Variants in FRMPD4 observed in about 807,000 individuals in gnomAD.
FRMPD4 encodes the protein FERM and PDZ domain-containing protein 4.
FRMPD4 carries 22 observed loss-of-function variants against 94.1 expected under a neutral mutation model. That is an observed-to-expected ratio of 0.23 (90% confidence interval 0.17 to 0.33). The LOEUF is 0.33. Ranked by LOEUF, FRMPD4 falls within the 10% of genes least tolerant of loss-of-function variation. The pLI, the probability that FRMPD4 is intolerant of heterozygous loss-of-function variation, is 1.00. For missense variants in FRMPD4, 1,111 were observed against 1,339.9 expected (o/e 0.83, Z 2.67); for synonymous variants, 631 against 548.6 (o/e 1.15, Z -2.10).
At chrX:11,899,470 C>A in intron 3 of FRMPD4, among the ~76,000 whole-genome samples, 1 of 109,265 alleles carries the variant, frequency 9.2e-6, no homozygotes, top group African/African-American at 3.3e-5. Flanking sequence ...TTATTGTTAC[C>A]CCAGTGACAT....
chrX:12,386,857 G>T (rs189192549), intron 1 of FRMPD4, among the ~76,000 whole-genome samples: 6 of 111,265 alleles, frequency 5.4e-5, no homozygotes, highest in Non-Finnish European at 1.1e-4. Context: ...CTTATGGGGC[G>T]GGGTGGGGGC....
At chrX:12,027,482 C>A (rs1321988280) in intron 3 of FRMPD4, among the ~76,000 whole-genome samples, 1 of 111,962 alleles carries the variant, frequency 8.9e-6, no homozygotes, top group Non-Finnish European at 1.9e-5. Context: ...CAATTTCTTC[C>A]TGTTACATTG....
intron 1 of FRMPD4, among the ~76,000 whole-genome samples, chrX:11,862,399 G>A (rs1293426633): frequency 2.7e-5 from 3 of 111,431 alleles, no homozygotes; most frequent in Non-Finnish European, 5.7e-5. Context: ...AGAAAGTAAA[G>A]TTTACACATG....
rs555310377 is a variant in FRMPD4, at chrX:12,324,099, C to G, written c.42-174581C>G. ...TCTCCAAGGTCTCTCTGATGAAACC[C>G]TATCTTCTTTACTCCATCGCAGACA... On this transcript the variant is annotated intron_variant, in intron 1 of 16. Coordinates refer to ENST00000675598, the MANE Select transcript of FRMPD4 (RefSeq NM_001368397.1). Among the ~76,000 whole-genome samples, 11 of 112,123 alleles carry G rather than the reference C, an allele frequency of 9.8e-5. No homozygotes were observed. The South Asian group carries it at 3.8e-3, about 39-fold the overall frequency.
chrX:12,435,728 G>A (rs2057059295), intron 1 of FRMPD4, among the ~76,000 whole-genome samples: 1 of 111,312 alleles, frequency 9.0e-6, no homozygotes, highest in Admixed American at 9.5e-5. Flanking sequence ...TTACAGGCTG[G>A]ACTTCTTTTG....
chrX:12,696,485 T>G (rs1358812317), intron 9 of FRMPD4, among the ~76,000 whole-genome samples: 1 of 107,887 alleles, frequency 9.3e-6, no homozygotes, highest in South Asian at 4.0e-4. Flanking sequence ...CTTAGACAGC[T>G]TAGACATCTA....
At chrX:12,351,011 T>A (rs909639393) in intron 1 of FRMPD4, among the ~76,000 whole-genome samples, 2 of 110,951 alleles carry the variant, frequency 1.8e-5, no homozygotes, top group Non-Finnish European at 3.8e-5. Flanking sequence ...CCGTCTCTAC[T>A]AAAAATACAA....
At chrX:11,862,803 G>A (rs1038101797) in intron 1 of FRMPD4, among the ~76,000 whole-genome samples, 2 of 110,273 alleles carry the variant, frequency 1.8e-5, no homozygotes, top group African/African-American at 3.3e-5. Context: ...AGCTTTGTCC[G>A]TATTTTTCTT....
intron 2 of FRMPD4, among the ~76,000 whole-genome samples, chrX:12,511,932 G>C (rs1180126792): frequency 8.9e-6 from 1 of 111,957 alleles, no homozygotes; most frequent in Non-Finnish European, 1.9e-5. Context: ...CTTCCATAAG[G>C]TTATCAGTGG....
rs1415054726 is a variant in FRMPD4, at chrX:12,131,706, C to T, written c.95+253688C>T. On this transcript the variant is annotated intron_variant, in intron 3 of 18. Coordinates refer to the FRMPD4 transcript ENST00000640291. ...CCCACAAATCTATATTCAAAAGTTC[C>T]CCTTATGATGCTAGATGAATCCTCA... is the stretch of plus-strand genomic sequence containing the variant. Among the ~76,000 whole-genome samples the T allele has an allele frequency of 3.6e-5, 4 of 111,475 alleles. No individual in the cohort carries two copies. In the South Asian group the frequency reaches 1.5e-3, roughly 41 times the overall value.
chrX:12,557,710 C>G (rs935546301), intron 2 of FRMPD4, among the ~76,000 whole-genome samples: 2 of 111,465 alleles, frequency 1.8e-5, no homozygotes, highest in East Asian at 5.6e-4. Flanking sequence ...CCCCATCTCT[C>G]TAAGCACGTG....
chrX:11,874,573 A>G (rs751084566), intron 2 of FRMPD4, among the ~76,000 whole-genome samples: 42 of 112,448 alleles, frequency 3.7e-4, no homozygotes, highest in Middle Eastern at 9.2e-3. Flanking sequence ...TACATAAGGG[A>G]CTTGGGCATC....
intron 1 of FRMPD4, among the ~76,000 whole-genome samples, chrX:12,174,786 A>G (rs911523316): frequency 1.8e-5 from 2 of 112,096 alleles, no homozygotes; most frequent in Admixed American, 1.9e-4. Flanking sequence ...ACCTTGTTTC[A>G]TGCCTTCCTA....
chrX:12,544,254 GAA>G (rs776246346), intron 2 of FRMPD4, among the ~76,000 whole-genome samples: 1 of 109,627 alleles, frequency 9.1e-6, no homozygotes, highest in African/African-American at 3.3e-5. Context: ...TTTTGAGAGA[GAA>G]AAAAAATTAT....
At chrX:12,472,840 G>A (rs1601987419) in intron 1 of FRMPD4, among the ~76,000 whole-genome samples, 1 of 111,490 alleles carries the variant, frequency 9.0e-6, no homozygotes, top group African/African-American at 3.3e-5. Flanking sequence ...CGTCTGATTG[G>A]TGTACCTGAA....
intron 3 of FRMPD4, among the ~76,000 whole-genome samples, chrX:11,950,555 C>A (rs1022022618): frequency 1.1e-4 from 12 of 111,862 alleles, no homozygotes; most frequent in African/African-American, 3.6e-4. Flanking sequence ...CTTTGACCAG[C>A]ATCTCTGCAT....
intron 2 of FRMPD4, among the ~76,000 whole-genome samples, chrX:12,593,681 C>T (rs1357923343): frequency 9.0e-6 from 1 of 111,349 alleles, no homozygotes; most frequent in African/African-American, 3.3e-5. Context: ...ATCCTTCAGG[C>T]TTTTTATTGA....
chrX:12,010,735 G>T (rs148747381), intron 3 of FRMPD4, among the ~76,000 whole-genome samples: 15 of 112,557 alleles, frequency 1.3e-4, no homozygotes, highest in African/African-American at 4.8e-4. Context: ...TATAATATGA[G>T]ATCAGAATAC....
At chrX:12,447,829 T>C (rs2057217367) in intron 1 of FRMPD4, among the ~76,000 whole-genome samples, 1 of 112,385 alleles carries the variant, frequency 8.9e-6, no homozygotes, top group African/African-American at 3.2e-5. Flanking sequence ...CATCCCTCTG[T>C]TAAGGTCCCT....
Sources: allele counts gnomAD v4.1 joint callset (sites outside exome capture counted in the v4.1 genomes callset), GRCh38; gene constraint gnomAD v4.1.1; transcripts MANE v1.5; gene names NCBI Gene and HGNC (gene_info 2026-07-23, HGNC 2026-07-21).